Variants in TUBA8 observed in about 807,000 individuals in gnomAD.
TUBA8 encodes the protein tubulin alpha-8 chain.
TUBA8 carries 29 observed loss-of-function variants against 34.7 expected under a neutral mutation model. The ratio of observed to expected loss-of-function variants is 0.84; its 90% CI spans 0.62 to 1.14. TUBA8 has a LOEUF of 1.14. Ranked by LOEUF, TUBA8 falls within the 50% of genes most tolerant of loss-of-function variation. The probability of loss-of-function intolerance (pLI) is 0.00; values close to 1 mark genes in which losing one functional copy is unlikely to be tolerated. For synonymous variants in TUBA8, 226 were observed against 231.2 expected, an observed-to-expected ratio of 0.98 and a Z score of 0.21; for missense variants, 541 against 599.2, an observed-to-expected ratio of 0.90 and a Z score of 1.01.
intron 2 of TUBA8, chr22:18,123,089 G>A (rs1394839254): frequency 1.0e-5 from 1 of 98,130 alleles, no homozygotes; most frequent in Admixed American, 1.6e-4. Flanking sequence ...CAGCCTGGGC[G>A]ACAGAGCGAG....
rs2234334 is a variant in TUBA8, at chr22:18,126,932, C to G, written c.954C>G (p.Leu318=). 6.9e-5 allele frequency: 112 copies of G among 1,612,948 alleles called. 3 individuals are homozygous for G. In the Middle Eastern group the frequency reaches 2.5e-3, roughly 36 times the overall value. Residue 318 remains leucine (L), a synonymous_variant, in exon 4 of 5, where the codon CTC becomes CTG. Transcript: ENST00000330423. The surrounding 1 kb of genome is among the most constrained non-coding windows in gnomAD (Gnocchi z 4.0). ...RHGKYMACCM[L]YRGDVVPKDV... is the part of the protein sequence containing the mutation. ...GCAAGTACATGGCCTGCTGCATGCT[C>G]TACCGGGGCGACGTGGTGCCCAAGG...
At chr22:18,112,738 C>A (rs776682641) in intron 1 of TUBA8, 2 of 152,230 alleles carry the variant, frequency 1.3e-5, no homozygotes, top group Non-Finnish European at 2.9e-5. Context: ...TTTTGAAACA[C>A]TCAATTTTGT....
In TUBA8 at chr22:18,131,255, G is replaced by A; in HGVS notation, c.*119G>A. The A allele has an allele frequency of 8.5e-7, 1 of 1,175,822 alleles. No individual in the cohort carries two copies. The highest frequency in any genetic ancestry group is 1.2e-6 in the Non-Finnish European group (1 of 813,852). The allele number at this position is 1,175,822 out of a possible 1,614,324, so 72.8% of individuals were successfully genotyped here. A position where few individuals can be genotyped will look rare whatever the true frequency, so the allele number is the denominator to read the frequency against. On this transcript the variant is annotated 3_prime_UTR_variant, in exon 5 of 5. Coordinates refer to ENST00000330423, the MANE Select transcript of TUBA8 (RefSeq NM_018943.3). This position sits in a 1 kb window ranked among gnomAD's most constrained non-coding sequence, Gnocchi z 5.3. ...TGATTCCTGCCTTACCCAGGAGGAGGGTGCCTGGCCCCAGTACCCAGGGTG... is the reference window on the plus strand; with the variant it reads ...TGATTCCTGCCTTACCCAGGAGGAGAGTGCCTGGCCCCAGTACCCAGGGTG...
chr22:18,130,448 G>C (rs536235337), intron 4 of TUBA8: 28 of 216,304 alleles, frequency 1.3e-4, no homozygotes, highest in Non-Finnish European at 2.2e-4. Context: ...TAAGAGACAG[G>C]GTCTTGCTGT....
chr22:18,123,876 T>G, intron 2 of TUBA8: 2 of 432,674 alleles, frequency 4.6e-6, no homozygotes, highest in Non-Finnish European at 4.3e-6. Context: ...GGCCCGGCGA[T>G]GTTCGATGAG....
intron 1 of TUBA8, chr22:18,116,530 T>C (rs2123694960): frequency 6.6e-6 from 1 of 152,330 alleles, no homozygotes; most frequent in East Asian, 1.9e-4. Flanking sequence ...TATTAGGTGA[T>C]CCATGAGGCT....
chr22:18,130,436 T>G, intron 4 of TUBA8: 1 of 203,502 alleles, frequency 4.9e-6, no homozygotes, highest in Non-Finnish European at 1.0e-5. Flanking sequence ...TTGTTTTGCT[T>G]TTAAGAGACA....
At chr22:18,116,557 C>G (rs749304418) in intron 1 of TUBA8, 1 of 152,176 alleles carries the variant, frequency 6.6e-6, no homozygotes, top group African/African-American at 2.4e-5. Flanking sequence ...GCTCTGGTAT[C>G]GTAAATGTTT....
chr22:18,124,566 T>C lies in TUBA8; in HGVS notation c.375+262T>C. 1 of 424,484 alleles carries C rather than the reference T, an allele frequency of 2.4e-6. No individual in the cohort carries two copies. The highest frequency in any genetic ancestry group is 4.2e-6 in the Non-Finnish European group (1 of 236,382). 26.3% of individuals were successfully genotyped at this position (424,484 alleles called of 1,614,324 possible). A position where few individuals can be genotyped will look rare whatever the true frequency, so the allele number is the denominator to read the frequency against. ...ACTCTCTGTTAGTATCTGGGGAAGG[T>C]TCCGGGTATAAGGCAGGATGAGGTC... On this transcript the variant is annotated intron_variant, in intron 3 of 4. Coordinates refer to ENST00000330423, the MANE Select transcript of TUBA8 (RefSeq NM_018943.3). This position sits in a 1 kb window ranked among gnomAD's most constrained non-coding sequence, Gnocchi z 4.3.
Position 18,118,416 on chromosome 22 carries a change from C to T in TUBA8, c.4-3063C>T, listed in dbSNP as rs1180638430. On this transcript the variant is annotated intron_variant, in intron 1 of 4. Transcript: ENST00000330423. The surrounding 1 kb of genome is among the most constrained non-coding windows in gnomAD (Gnocchi z 4.0). The stretch of plus-strand genomic sequence containing the variant: ...GCATCCTGCTTCACTCAAATGCTGC[C>T]ATCAGTACTTGTGAGGCTCAGGTTG... 6.6e-6 allele frequency: 1 copy of T among 152,196 alleles called. No individual in the cohort carries two copies. Among genetic ancestry groups the T allele is most frequent in the East Asian group, 1.9e-4 (1 of 5,188 alleles). The allele number at this position is 152,196 out of a possible 1,614,324, so 9.4% of individuals were successfully genotyped here. A position where few individuals can be genotyped will look rare whatever the true frequency, so the allele number is the denominator to read the frequency against.
rs1928047466 is a variant in TUBA8, at chr22:18,118,610, C to A, written c.4-2869C>A. On this transcript the variant is annotated intron_variant, in intron 1 of 4. Transcript: ENST00000330423. This position sits in a 1 kb window ranked among gnomAD's most constrained non-coding sequence, Gnocchi z 4.0. The stretch of plus-strand genomic sequence containing the variant: ...CCCAGTTCCTGTTAGCAGGGATCTT[C>A]CTTCTCTCTTGATTGGTGTAGCTAC... The A allele has an allele frequency of 6.6e-6, 1 of 152,240 alleles. No homozygotes were observed. The highest frequency in any genetic ancestry group is 6.5e-5 in the Admixed American group (1 of 15,284). 9.4% of individuals were successfully genotyped at this position (152,240 alleles called of 1,614,324 possible). A position where few individuals can be genotyped will look rare whatever the true frequency, so the allele number is the denominator to read the frequency against.
At chr22:18,130,670 G>T (rs1928468681) in intron 4 of TUBA8, 173 bp from the exon 5 acceptor site, 3 of 734,984 alleles carry the variant, frequency 4.1e-6, no homozygotes, top group Admixed American at 2.4e-5. Context: ...CTTCTCCCTT[G>T]CCACCTGCTG....
chr22:18,127,457 C>T (rs1041079753), intron 4 of TUBA8: 1 of 173,734 alleles, frequency 5.8e-6, no homozygotes, highest in Non-Finnish European at 1.2e-5. Context: ...GCAGTGGCAC[C>T]ATCTGGGCTC....
rs1927788078 is a variant in TUBA8, at chr22:18,111,034, A to AC, written c.3+169dup. On this transcript the variant is annotated intron_variant, in intron 1 of 4. Coordinates refer to ENST00000330423, the MANE Select transcript of TUBA8 (RefSeq NM_018943.3). This position sits in a 1 kb window ranked among gnomAD's most constrained non-coding sequence, Gnocchi z 5.1. ...GGAGTCCGCACCCTCGGGCGGGAACACCCGGTGCCCTTTATCGTATGGGGG... is the reference window on the plus strand; with the variant it reads ...GGAGTCCGCACCCTCGGGCGGGAACACCCCGGTGCCCTTTATCGTATGGGGG... The AC allele has an allele frequency of 9.9e-7, 1 of 1,009,178 alleles. No homozygotes were observed. The highest frequency in any genetic ancestry group is 2.1e-5 in the Admixed American group (1 of 47,914). 62.5% of individuals were successfully genotyped at this position (1,009,178 alleles called of 1,614,324 possible). A position where few individuals can be genotyped will look rare whatever the true frequency, so the allele number is the denominator to read the frequency against.
chr22:18,125,049 C>G (rs2123703944), intron 3 of TUBA8: 1 of 152,296 alleles, frequency 6.6e-6, no homozygotes, highest in East Asian at 1.9e-4. Flanking sequence ...CTGTGGTCCC[C>G]AAAAGTTCAA....
intron 1 of TUBA8, chr22:18,117,059 T>C (rs1315377400): frequency 1.3e-5 from 2 of 152,372 alleles, no homozygotes; most frequent in East Asian, 1.9e-4. Context: ...GGGCAGTCCG[T>C]GCTCCTATTC....
Position 18,126,248 on chromosome 22 carries a change from C to T in TUBA8, c.376-106C>T. 9.1e-7 allele frequency: 1 copy of T among 1,095,558 alleles called. No homozygotes were observed. The highest frequency in any genetic ancestry group is 1.4e-6 in the Non-Finnish European group (1 of 722,668). The allele number at this position is 1,095,558 out of a possible 1,614,324, so 67.9% of individuals were successfully genotyped here. A position where few individuals can be genotyped will look rare whatever the true frequency, so the allele number is the denominator to read the frequency against. On this transcript the variant is annotated intron_variant, in intron 3 of 4. Transcript: ENST00000330423. The surrounding 1 kb of genome is among the most constrained non-coding windows in gnomAD (Gnocchi z 4.0). ...TCTTCAAAGCTGTTTTGATTTCATCCACAAAAAAATATGAGGCAGACAGAG... is the reference window on the plus strand; with the variant it reads ...TCTTCAAAGCTGTTTTGATTTCATCTACAAAAAAATATGAGGCAGACAGAG...
At chr22:18,127,139 G>A in intron 4 of TUBA8, 105 bp downstream of exon 4, 5 of 1,174,034 alleles carry the variant, frequency 4.3e-6, no homozygotes, top group Non-Finnish European at 4.9e-6. Flanking sequence ...GTGATGATAA[G>A]GGGAGGGGGA....
rs1227861846 is a variant in TUBA8, at chr22:18,118,269, G to C, written c.4-3210G>C. 6.6e-6 allele frequency: 1 copy of C among 152,210 alleles called. No homozygotes were observed. Among genetic ancestry groups the C allele is most frequent in the Middle Eastern group, 3.2e-3 (1 of 316 alleles). 9.4% of individuals were successfully genotyped at this position (152,210 alleles called of 1,614,324 possible). On this transcript the variant is annotated intron_variant, in intron 1 of 4. Coordinates refer to ENST00000330423, the MANE Select transcript of TUBA8 (RefSeq NM_018943.3). The surrounding 1 kb of genome is among the most constrained non-coding windows in gnomAD (Gnocchi z 4.0). ...GATAATCTATTATTCGGTCCACATT[G>C]CTTAGCAGACATTCTTCAATTAAAG... is the stretch of plus-strand genomic sequence containing the variant.
Sources: gnomAD v4.1 joint callset for allele counts on GRCh38, gnomAD v4.1.1 for gene constraint, Gnocchi (gnomAD v3.1) non-coding constraint, MANE v1.5 for transcripts, NCBI Gene and HGNC (gene_info 2026-07-23, HGNC 2026-07-21) for gene names.